The following AIG1 variants were observed in gnomAD, a reference collection of about 807,000 sequenced individuals.
The protein encoded by AIG1 is androgen induced 1.
In AIG1, 23 loss-of-function variants were observed where a neutral mutation model predicts 31.4. That is an observed-to-expected ratio of 0.73 (90% CI 0.53 to 1.04). The LOEUF (loss-of-function observed/expected upper bound fraction) is 1.04, where lower values mean the gene tolerates loss of function less well. AIG1 is among the 50% of genes least tolerant of loss of function. The pLI, the probability that AIG1 is intolerant of heterozygous loss-of-function variation, is 0.00. For missense variants in AIG1, 274 were observed against 295.0 expected (o/e 0.93, Z 0.52); for synonymous variants, 100 against 110.5 (o/e 0.90, Z 0.60).
chr6:143,144,252 G>C (rs961846431), intron 2 of AIG1, among the ~76,000 whole-genome samples: 2 of 152,204 alleles, frequency 1.3e-5, no homozygotes, highest in Non-Finnish European at 2.9e-5. Context: ...TCAAAGGACA[G>C]AAGTTCTTGT....
intron 3 of AIG1, among the ~76,000 whole-genome samples, chr6:143,200,963 A>G (rs1388957058): frequency 1.3e-5 from 2 of 152,064 alleles, no homozygotes; most frequent in East Asian, 3.9e-4. Context: ...TTCCTATGTA[A>G]TACATCCATA....
chr6:143,255,269 C>T lies in AIG1; in HGVS notation c.400-28841C>T, dbSNP rs12176429. On this transcript the variant is annotated intron_variant, in intron 3 of 5. Transcript: ENST00000357847. ...TATGAGGTATATTGTTCTGCTAAGG[C>T]TGCCATAACAAAAGACCACAGACTA... is the stretch of plus-strand genomic sequence containing the variant. 9.4e-3 allele frequency among the ~76,000 whole-genome samples: 1,435 copies of T among 152,294 alleles called. 43 individuals are homozygous for T. Among genetic ancestry groups the T allele is most frequent in the East Asian group, 0.065 (336 of 5,176 alleles).
At chr6:143,068,464 C>T (rs1205358719) in intron 1 of AIG1, among the ~76,000 whole-genome samples, 1 of 152,196 alleles carries the variant, frequency 6.6e-6, no homozygotes, top group Non-Finnish European at 1.5e-5. Flanking sequence ...GAAAGTGAGA[C>T]ACCACTTGAT....
rs1776241571 is a variant in AIG1, at chr6:143,061,343, C to A, written c.141+277C>A. 1.6e-5 allele frequency: 9 copies of A among 578,330 alleles called. No individual in the cohort carries two copies. In the Admixed American group the frequency reaches 2.0e-4, roughly 13 times the overall value. The allele number at this position is 578,330 out of a possible 1,614,324, so 35.8% of individuals were successfully genotyped here. Reference sequence around the variant, plus strand: ...AGGTGGGGCGCAGCCAGGTGGTGGGCTCTTTGGAGGGGGACACCGAACTGC... The same window carrying A: ...AGGTGGGGCGCAGCCAGGTGGTGGGATCTTTGGAGGGGGACACCGAACTGC... On this transcript the variant is annotated intron_variant, in intron 1 of 5. Transcript: ENST00000357847.
At chr6:143,337,719 G>A (rs1777610148) in intron 5 of AIG1, among the ~76,000 whole-genome samples, 2 of 152,102 alleles carry the variant, frequency 1.3e-5, no homozygotes, top group Non-Finnish European at 2.9e-5. Flanking sequence ...CCAGCTACCC[G>A]TGCAGGTCAT....
At chr6:143,337,848 C>G (rs1583916949) in intron 5 of AIG1, 1 of 396,986 alleles carries the variant, frequency 2.5e-6, no homozygotes, top group Non-Finnish European at 4.4e-6. Flanking sequence ...GTCTTGTCCC[C>G]TCTGGTCCCA....
rs1168500310 is a variant in AIG1, at chr6:143,329,024, C to T, written c.516-4258C>T. 1.3e-5 allele frequency among the ~76,000 whole-genome samples: 2 copies of T among 152,080 alleles called. No homozygotes were observed. The highest frequency in any genetic ancestry group is 3.9e-4 in the East Asian group (2 of 5,194). ...GTCATCTTTGTGCAGAGAATTGAGC[C>T]CTGATAAAAATCAAGGAAACAAATG... is the stretch of plus-strand genomic sequence containing the variant. On this transcript the variant is annotated intron_variant, in intron 4 of 5. Coordinates refer to ENST00000357847, the MANE Select transcript of AIG1 (RefSeq NM_016108.4). The surrounding 1 kb of genome is among the most constrained non-coding windows in gnomAD (Gnocchi z 4.9).
In AIG1 at chr6:143,105,411, G is replaced by A. The variant is rs1463640159; in HGVS notation, c.142-31424G>A. Among the ~76,000 whole-genome samples, 6 of 152,212 alleles carry A rather than the reference G, an allele frequency of 3.9e-5. No homozygotes were observed. In the East Asian group the frequency reaches 5.8e-4, roughly 15 times the overall value. ...ACACCAGGAAGCGCAGAAATCTGTT[G>A]TGCATTGTAATGATAATATTGCTCA... On this transcript the variant is annotated intron_variant, in intron 1 of 5. Coordinates refer to ENST00000357847, the MANE Select transcript of AIG1 (RefSeq NM_016108.4).
chr6:143,216,636 G>T (rs1298124918), intron 3 of AIG1, among the ~76,000 whole-genome samples: 3 of 152,210 alleles, frequency 2.0e-5, no homozygotes, highest in Non-Finnish European at 1.5e-5. Context: ...TCCTGTGAAT[G>T]CAGAACAACA....
At chr6:143,316,471 C>A (rs563002815) in intron 4 of AIG1, among the ~76,000 whole-genome samples, 43 of 152,134 alleles carry the variant, frequency 2.8e-4, no homozygotes, top group African/African-American at 7.5e-4. Flanking sequence ...TGCTGTTAAT[C>A]TGTTACAGCA....
intron 4 of AIG1, among the ~76,000 whole-genome samples, chr6:143,289,867 A>T (rs1054704349): frequency 3.3e-5 from 5 of 152,208 alleles, no homozygotes; most frequent in Admixed American, 3.3e-4. Flanking sequence ...TACTAAGAAA[A>T]TGAAATTTTA....
intron 3 of AIG1, among the ~76,000 whole-genome samples, chr6:143,270,019 G>A (rs1295291047): frequency 6.6e-6 from 1 of 152,120 alleles, no homozygotes; most frequent in Non-Finnish European, 1.5e-5. Context: ...GAAGAAGGAA[G>A]GGCAGATGTA....
At chr6:143,240,481 A>G (rs1316546424) in intron 3 of AIG1, among the ~76,000 whole-genome samples, 2 of 152,210 alleles carry the variant, frequency 1.3e-5, no homozygotes, top group Non-Finnish European at 2.9e-5. Context: ...CAATTTCTAC[A>G]TAAAACATAT....
intron 1 of AIG1, among the ~76,000 whole-genome samples, chr6:143,128,365 GA>G (rs1472582505): frequency 1.3e-5 from 2 of 152,182 alleles, no homozygotes; most frequent in African/African-American, 4.8e-5. Flanking sequence ...AGATTTTAGA[GA>G]AATGAATACT....
chr6:143,078,654 T>C (rs932381247), intron 1 of AIG1, among the ~76,000 whole-genome samples: 3 of 152,158 alleles, frequency 2.0e-5, no homozygotes, highest in African/African-American at 7.2e-5. Context: ...GAAAACCCCT[T>C]ATAAAACCAT....
intron 3 of AIG1, among the ~76,000 whole-genome samples, chr6:143,274,924 G>C (rs956755996): frequency 2.0e-5 from 3 of 152,200 alleles, no homozygotes; most frequent in African/African-American, 7.2e-5. Context: ...TATAAACTCA[G>C]CATATATTAG....
intron 3 of AIG1, among the ~76,000 whole-genome samples, chr6:143,260,654 C>T (rs1417467795): frequency 6.6e-6 from 1 of 152,202 alleles, no homozygotes; most frequent in Admixed American, 6.5e-5. Context: ...GACTGTTTTA[C>T]ATACATTGCC....
chr6:143,252,399 A>G lies in AIG1; in HGVS notation c.400-31711A>G, dbSNP rs142494302. On this transcript the variant is annotated intron_variant, in intron 3 of 5. Coordinates refer to ENST00000357847, the MANE Select transcript of AIG1 (RefSeq NM_016108.4). ...GCCTCCCAAAGTGCTGGGATTACAG[A>G]CGTGAGGGTCCATATTTCTCTTAAC... 5.8e-3 allele frequency among the ~76,000 whole-genome samples: 876 copies of G among 152,176 alleles called. 10 individuals carry two copies. The highest frequency in any genetic ancestry group is 0.02 in the African/African-American group (826 of 41,514).
rs767462347 is a variant in AIG1 at position 143,060,965 on chromosome 6, C to G, written c.40C>G (p.Leu14Val). The change falls in exon 1 of 6, where the codon CTG becomes GTG. Residue 14 changes from leucine (L) to valine (V), a missense_variant. Physicochemically the swap from Leu to Val is conservative, Grantham distance 32. Around this residue, in one of 2 missense-constraint regions of AIG1, gnomAD observed 243 missense variants for 238.5 expected, o/e 1.02. Transcript: ENST00000357847. ...VPCQVLRMAI[L>V]LSYCSILCNY... is the part of the protein sequence containing the mutation. ...CTGCCAGGTGCTGCGGATGGCAATC[C>G]TGCTGTCTTACTGCTCTATCCTGTG... 4 of 1,612,830 alleles carry G rather than the reference C, an allele frequency of 2.5e-6. No individual in the cohort carries two copies. Among genetic ancestry groups the G allele is most frequent in the Non-Finnish European group, 3.4e-6 (4 of 1,179,726 alleles).
Sources: allele counts gnomAD v4.1 joint callset (sites outside exome capture counted in the v4.1 genomes callset), GRCh38; gene constraint gnomAD v4.1.1; regional missense constraint gnomAD v4.1.1; non-coding constraint Gnocchi (gnomAD v3.1); transcripts MANE v1.5; gene names NCBI Gene and HGNC (gene_info 2026-07-23, HGNC 2026-07-21).